The following DOK6 variants were observed in gnomAD, a reference collection of about 807,000 sequenced individuals.
DOK6 encodes docking protein 6, also known as downstream of tyrosine kinase 6.
Under a neutral mutation model 44.0 loss-of-function variants are expected in DOK6, and 22 were observed. The observed-to-expected ratio is 0.50, with a 90% CI of 0.36 to 0.71. The LOEUF is 0.71. Among genes scored for constraint, DOK6 ranks in the 30% least tolerant of loss-of-function variants. The pLI is 0.00. For missense variants in DOK6, 340 were observed against 416.4 expected, an observed-to-expected ratio of 0.82 and a Z score of 1.60; for synonymous variants, 166 against 145.5, an observed-to-expected ratio of 1.14 and a Z score of -1.01.
At chr18:69,571,971 C>T (rs149632780) in intron 2 of DOK6, among the ~76,000 whole-genome samples, 128 of 152,070 alleles carry the variant, frequency 8.4e-4, no homozygotes, top group Middle Eastern at 3.4e-3. Flanking sequence ...ACAAAGTAGA[C>T]CACGTTCAAG....
At chr18:69,733,123 G>C (rs977605772) in intron 5 of DOK6, among the ~76,000 whole-genome samples, 1 of 151,902 alleles carries the variant, frequency 6.6e-6, no homozygotes, top group Non-Finnish European at 1.5e-5. Flanking sequence ...GAGCGCAGGA[G>C]TTCAAGGCTG....
chr18:69,595,207 A>G (rs1313224240), intron 2 of DOK6, among the ~76,000 whole-genome samples: 2 of 152,284 alleles, frequency 1.3e-5, no homozygotes, highest in East Asian at 3.9e-4. Context: ...AATCCCTATC[A>G]AGTTACCAAT....
chr18:69,673,616 C>G (rs899831238), intron 3 of DOK6, among the ~76,000 whole-genome samples: 1 of 152,170 alleles, frequency 6.6e-6, no homozygotes, highest in African/African-American at 2.4e-5. Flanking sequence ...CATAATTCAC[C>G]ATTTAATTTA....
At chr18:69,531,261 T>TATATATATAATATATACTTAC (rs2144573421) in intron 1 of DOK6, among the ~76,000 whole-genome samples, 1 of 142,112 alleles carries the variant, frequency 7.0e-6, no homozygotes, top group Admixed American at 6.9e-5. Flanking sequence ...TATACTTACA[T>TATATATATAATATATACTTAC]ATATATATAT....
intron 4 of DOK6, among the ~76,000 whole-genome samples, chr18:69,679,220 T>C (rs1042194075): frequency 6.6e-6 from 1 of 152,110 alleles, no homozygotes; most frequent in African/African-American, 2.4e-5. Flanking sequence ...CTGTGGGTCA[T>C]AAACTAAATA....
At chr18:69,783,202 G>A (rs1477380349) in intron 7 of DOK6, among the ~76,000 whole-genome samples, 3 of 152,182 alleles carry the variant, frequency 2.0e-5, no homozygotes, top group East Asian at 3.8e-4. Context: ...GTGGCCACAC[G>A]ACAGCGAAGC....
chr18:69,554,469 T>A (rs962774339), intron 1 of DOK6, among the ~76,000 whole-genome samples: 1 of 152,228 alleles, frequency 6.6e-6, no homozygotes, highest in Non-Finnish European at 1.5e-5. Context: ...TTATTCAACA[T>A]AACGTTTTTG....
intron 6 of DOK6, among the ~76,000 whole-genome samples, chr18:69,748,984 A>G (rs898578839): frequency 2.6e-5 from 4 of 152,210 alleles, no homozygotes; most frequent in African/African-American, 9.7e-5. Context: ...CATAAAAGGG[A>G]ACAAGATTAT....
At chr18:69,762,717 C>G (rs537808737) in intron 7 of DOK6, among the ~76,000 whole-genome samples, 1 of 152,250 alleles carries the variant, frequency 6.6e-6, no homozygotes, top group African/African-American at 2.4e-5. Context: ...AAATGCATGG[C>G]GTGGTAACAA....
rs1555670144 is a variant in DOK6 at position 69,774,133 on chromosome 18, G to GATATATATAGATATAGATAT, written c.856+16269_856+16270insGATATAGATATATATATATA. ...TAGATTTATATAGATATATATATGA[G>GATATATATAGATATAGATAT]ATATATATATATATATATATATAAT... On this transcript the variant is annotated intron_variant, in intron 7 of 7. Transcript: ENST00000382713. 1.9e-4 allele frequency among the ~76,000 whole-genome samples: 13 copies of GATATATATAGATATAGATAT among 66,896 alleles called. No individual in the cohort carries two copies. In the East Asian group the frequency reaches 9.0e-3, roughly 46 times the overall value. The allele number at this position is 66,896 out of a possible 152,430, so 43.9% of individuals were successfully genotyped here. A position where few individuals can be genotyped will look rare whatever the true frequency, so the allele number is the denominator to read the frequency against.
intron 2 of DOK6, among the ~76,000 whole-genome samples, chr18:69,576,870 T>A (rs181343096): frequency 8.7e-4 from 132 of 152,274 alleles, no homozygotes; most frequent in Middle Eastern, 3.4e-3. Flanking sequence ...GATGAAAAAG[T>A]AGCAGTTTAT....
At chr18:69,622,778 A>G (rs1464340499) in intron 3 of DOK6, among the ~76,000 whole-genome samples, 9 of 152,238 alleles carry the variant, frequency 5.9e-5, no homozygotes, top group Admixed American at 5.9e-4. Flanking sequence ...TCTAAGGCAT[A>G]TAAATGTGAA....
chr18:69,541,097 T>C (rs1158838190), intron 1 of DOK6, among the ~76,000 whole-genome samples: 6 of 152,186 alleles, frequency 3.9e-5, no homozygotes, highest in African/African-American at 1.4e-4. Context: ...CTTACTAGTA[T>C]GTTTAATTGT....
At chr18:69,670,418 A>G (rs1202926278) in intron 3 of DOK6, among the ~76,000 whole-genome samples, 1 of 152,126 alleles carries the variant, frequency 6.6e-6, no homozygotes, top group Non-Finnish European at 1.5e-5. Context: ...GGAAAGTATG[A>G]CTAAGATAAA....
intron 3 of DOK6, among the ~76,000 whole-genome samples, chr18:69,676,113 T>C (rs1171617035): frequency 1.3e-5 from 2 of 152,192 alleles, no homozygotes; most frequent in African/African-American, 2.4e-5. Flanking sequence ...ATCTTCCTGA[T>C]CCTTGACATA....
intron 1 of DOK6, among the ~76,000 whole-genome samples, chr18:69,417,710 C>T (rs774799728): frequency 2.6e-5 from 4 of 152,080 alleles, no homozygotes; most frequent in East Asian, 3.9e-4. Context: ...TTTGCATCCT[C>T]GCCAGCATTT....
chr18:69,776,877 C>T (rs2144771519), intron 7 of DOK6, among the ~76,000 whole-genome samples: 1 of 151,516 alleles, frequency 6.6e-6, no homozygotes, highest in East Asian at 2.0e-4. Context: ...CATCAGTTTG[C>T]TTCACTTCTA....
At position 69,419,280 on chromosome 18, in the gene DOK6, A is replaced by G. The variant is rs868260018; in HGVS notation, c.66+17970A>G. On this transcript the variant is annotated intron_variant, in intron 1 of 7. Transcript: ENST00000382713. The stretch of plus-strand genomic sequence containing the variant: ...CTGCATTCCCATCCAAAACGCGCAC[A>G]TAGCTATCTTGATACTCATGGTTTT... Among the ~76,000 whole-genome samples the G allele has an allele frequency of 2.0e-5, 3 of 152,188 alleles. No individual in the cohort carries two copies. The South Asian group carries it at 6.2e-4, about 31-fold the overall frequency.
chr18:69,770,302 A>G (rs1979850452), intron 7 of DOK6, among the ~76,000 whole-genome samples: 1 of 152,144 alleles, frequency 6.6e-6, no homozygotes, highest in Admixed American at 6.6e-5. Flanking sequence ...TTATCAACGC[A>G]GGCAGTCTTG....
Sources: allele counts gnomAD v4.1 joint callset (sites outside exome capture counted in the v4.1 genomes callset), GRCh38; gene constraint gnomAD v4.1.1; transcripts MANE v1.5; gene names NCBI Gene and HGNC (gene_info 2026-07-23, HGNC 2026-07-21).